The following JPH3 variants were observed in gnomAD, a reference collection of about 807,000 sequenced individuals.
The protein encoded by JPH3 is junctophilin 3.
In JPH3, 11 loss-of-function variants were observed where a neutral mutation model predicts 59.6. The observed-to-expected ratio is 0.18, with a 90% confidence interval of 0.12 to 0.31. The LOEUF is 0.31. Among genes scored for constraint, JPH3 ranks in the 10% least tolerant of loss-of-function variants. The pLI, the probability that JPH3 is intolerant of heterozygous loss-of-function variation, is 1.00. For missense variants in JPH3, 1,202 were observed against 1,105.7 expected, an observed-to-expected ratio of 1.09 and a Z score of -1.24; for synonymous variants, 673 against 483.6, an observed-to-expected ratio of 1.39 and a Z score of -5.14.
chr16:87,696,593 T>C lies in JPH3; in HGVS notation c.2180T>C (p.Ile727Thr). 6.2e-7 allele frequency: 1 copy of C among 1,613,526 alleles called. No individual in the cohort carries two copies. Among genetic ancestry groups the C allele is most frequent in the Non-Finnish European group, 8.5e-7 (1 of 1,179,890 alleles). Residue 727 changes from isoleucine to threonine, a missense_variant, in exon 5 of 5, where the codon ATC (isoleucine) becomes ACC (threonine). Transcript: ENST00000284262. ...GCTCTCTTCCAGGGCTCAGCGCCTATCCTGGTGGTCATGGTGATCTTGCTC... is the reference window on the plus strand; with the variant it reads ...GCTCTCTTCCAGGGCTCAGCGCCTACCCTGGTGGTCATGGTGATCTTGCTC... ...ELKSSTGSAPILVVMVILLNI... is the reference protein window; with the variant it reads ...ELKSSTGSAPTLVVMVILLNI...
chr16:87,616,320 A>G (rs1482685037), intron 1 of JPH3, among the ~76,000 whole-genome samples: 1 of 141,710 alleles, frequency 7.1e-6, no homozygotes, highest in Non-Finnish European at 1.5e-5. Flanking sequence ...TACAGGCTCC[A>G]CCTCCTGGGT....
intron 1 of JPH3, among the ~76,000 whole-genome samples, chr16:87,641,745 G>A (rs2031960095): frequency 6.6e-6 from 1 of 152,266 alleles, no homozygotes; most frequent in Admixed American, 6.5e-5. Flanking sequence ...CTCTGTCCGG[G>A]GCTGCAGCCT....
At chr16:87,655,239 G>A (rs955444605) in intron 2 of JPH3, among the ~76,000 whole-genome samples, 7 of 152,248 alleles carry the variant, frequency 4.6e-5, no homozygotes, top group Non-Finnish European at 7.3e-5. Context: ...TATTCGAGGC[G>A]CGCAGCCTGC....
intron 1 of JPH3, among the ~76,000 whole-genome samples, chr16:87,631,327 C>A (rs1343876554): frequency 1.3e-5 from 2 of 152,320 alleles, no homozygotes; most frequent in East Asian, 3.9e-4. Flanking sequence ...GATATAGTTT[C>A]TGTGGCTTGA....
At chr16:87,682,379 C>A (rs1335467800) in intron 2 of JPH3, among the ~76,000 whole-genome samples, 2 of 152,080 alleles carry the variant, frequency 1.3e-5, no homozygotes, top group Non-Finnish European at 2.9e-5. Flanking sequence ...AAGGTGTTTG[C>A]GCCCCCTAGG....
intron 2 of JPH3, among the ~76,000 whole-genome samples, chr16:87,673,862 G>C (rs1306547768): frequency 6.6e-6 from 1 of 151,990 alleles, no homozygotes; most frequent in Non-Finnish European, 1.5e-5. Context: ...GGAGGCAGAG[G>C]TTGCAGTGAG....
chr16:87,650,294 C>T (rs1213667484), intron 2 of JPH3, among the ~76,000 whole-genome samples: 2 of 152,126 alleles, frequency 1.3e-5, no homozygotes, highest in Non-Finnish European at 2.9e-5. Flanking sequence ...TTTGGGATGC[C>T]ACACATCGCA....
In JPH3 at chr16:87,690,249, A is replaced by G; in HGVS notation, c.1889A>G (p.Tyr630Cys). 1 of 1,604,596 alleles carries G rather than the reference A, an allele frequency of 6.2e-7. No homozygotes were observed. The highest frequency in any genetic ancestry group is 8.5e-7 in the Non-Finnish European group (1 of 1,176,090). Residue 630 changes from tyrosine to cysteine, a missense_variant, in exon 4 of 5, where the codon TAC (tyrosine) becomes TGC (cysteine). Transcript: ENST00000284262. ...RMETHPQKRR[Y>C]SKGGACRGLG... Reference sequence around the variant, plus strand: ...GAGACGCATCCCCAGAAAAGACGCTACAGCAAGGGCGGCGCCTGCCGGGGC... The same window carrying G: ...GAGACGCATCCCCAGAAAAGACGCTGCAGCAAGGGCGGCGCCTGCCGGGGC...
intron 2 of JPH3, among the ~76,000 whole-genome samples, chr16:87,674,854 G>T (rs866707674): frequency 3.4e-4 from 52 of 152,190 alleles, no homozygotes; most frequent in Admixed American, 7.2e-4. Context: ...TCTGCCTCTT[G>T]GGTTCAAGCC....
intron 4 of JPH3, 72 bp downstream of exon 4, chr16:87,690,598 AG>A: frequency 1.4e-6 from 2 of 1,380,192 alleles, no homozygotes; most frequent in South Asian, 3.6e-5. Context: ...GTGTTTCCTG[AG>A]GGTTTCCAGC....
At chr16:87,628,808 A>C (rs1403095569) in intron 1 of JPH3, among the ~76,000 whole-genome samples, 1 of 151,740 alleles carries the variant, frequency 6.6e-6, no homozygotes, top group Non-Finnish European at 1.5e-5. Context: ...GGGGTAAGAG[A>C]AAGCAGAGTC....
At chr16:87,690,560 A>G in intron 4 of JPH3, 34 bp downstream of exon 4, 2 of 1,441,538 alleles carry the variant, frequency 1.4e-6, no homozygotes, top group Non-Finnish European at 1.8e-6. Context: ...GTCCCAGTGG[A>G]GGCAACATCC....
At chr16:87,624,890 C>G (rs770535337) in intron 1 of JPH3, among the ~76,000 whole-genome samples, 26 of 152,230 alleles carry the variant, frequency 1.7e-4, no homozygotes, top group Non-Finnish European at 3.4e-4. Context: ...ACCTCCACCT[C>G]TCGGGTTCAA....
At chr16:87,638,347 T>C (rs1022641688) in intron 1 of JPH3, among the ~76,000 whole-genome samples, 3 of 152,172 alleles carry the variant, frequency 2.0e-5, no homozygotes, top group East Asian at 3.9e-4. Flanking sequence ...CCTTTGCTGG[T>C]GAACAGACAC....
At chr16:87,617,444 GGA>G (rs1422656929) in intron 1 of JPH3, among the ~76,000 whole-genome samples, 1 of 152,086 alleles carries the variant, frequency 6.6e-6, no homozygotes, top group Non-Finnish European at 1.5e-5. Context: ...TTCCCCCAGT[GGA>G]TGCCAGGAGA....
intron 1 of JPH3, among the ~76,000 whole-genome samples, chr16:87,637,412 G>GTGTGTT (rs1555536242): frequency 5.6e-5 from 7 of 124,418 alleles, no homozygotes; most frequent in African/African-American, 2.4e-4. Flanking sequence ...GAGAGAGAGA[G>GTGTGTT]TGTGTGTGTT....
chr16:87,611,099 G>A lies in JPH3; in HGVS notation c.382+7571G>A, dbSNP rs1356114208. 6.6e-6 allele frequency among the ~76,000 whole-genome samples: 1 copy of A among 152,202 alleles called. No individual in the cohort carries two copies. ...TACGCAGTACAGAGTTTGTGGTAAC[G>A]TGGAAGATTGGAAAAAAAGAAACAA... On this transcript the variant is annotated intron_variant, in intron 1 of 4. Coordinates refer to ENST00000284262, the MANE Select transcript of JPH3 (RefSeq NM_020655.4). The surrounding 1 kb of genome is among the most constrained non-coding windows in gnomAD (Gnocchi z 4.5).
intron 1 of JPH3, among the ~76,000 whole-genome samples, chr16:87,643,458 C>G (rs933584844): frequency 5.9e-5 from 9 of 152,136 alleles, no homozygotes; most frequent in African/African-American, 2.2e-4. Flanking sequence ...TCCCTATGCC[C>G]TTGAATCTCT....
At chr16:87,605,417 G>A (rs954134003) in intron 1 of JPH3, among the ~76,000 whole-genome samples, 1 of 152,176 alleles carries the variant, frequency 6.6e-6, no homozygotes, top group East Asian at 1.9e-4. Context: ...CAGACAGCCA[G>A]GTGTCCTAGG....
Sources: gnomAD v4.1 joint callset for allele counts (sites outside exome capture counted in the v4.1 genomes callset) on GRCh38, gnomAD v4.1.1 for gene constraint, Gnocchi (gnomAD v3.1) non-coding constraint, MANE v1.5 for transcripts, NCBI Gene and HGNC (gene_info 2026-07-23, HGNC 2026-07-21) for gene names.